POU3F3: variants seen among roughly 807,000 people sequenced by gnomAD.
POU3F3 encodes the protein POU class 3 homeobox 3, also known as POU domain, class 3, transcription factor 3.
A neutral mutation model predicts 8.6 loss-of-function variants in POU3F3; 1 was observed. That is an observed-to-expected ratio of 0.12 (90% CI 0.04 to 0.55). POU3F3 has a LOEUF of 0.55. POU3F3 is among the 20% of genes least tolerant of loss of function. The probability of loss-of-function intolerance (pLI) is 0.91; values close to 1 mark genes in which losing one functional copy is unlikely to be tolerated. For synonymous variants in POU3F3, 418 were observed against 327.4 expected, an observed-to-expected ratio of 1.28 and a Z score of -2.99; for missense variants, 577 against 690.7, an observed-to-expected ratio of 0.84 and a Z score of 1.84.
chr2:104,855,808 G>T lies in POU3F3; in HGVS notation c.298G>T (p.Ala100Ser). Reference sequence around the variant, plus strand: ...GAGCCACGCGCACCAGTGGGTCACAGCCCTGCCCCACGCCGCCGCCGCCGC... The same window carrying T: ...GAGCCACGCGCACCAGTGGGTCACATCCCTGCCCCACGCCGCCGCCGCCGC... The part of the protein sequence containing the change: ...MLSHAHQWVT[A>S]LPHAAAAAAA... Residue 100 changes from alanine (A) to serine (S), a missense_variant, in exon 1 of 1, where the codon GCC (alanine) becomes TCC (serine). Ala to Ser is a moderately conservative substitution (Grantham distance 99). This residue lies in a region of POU3F3 where 484 missense variants were observed against 422.6 expected (regional missense o/e 1.15). Transcript: ENST00000361360. 1 of 1,190,820 alleles carries T rather than the reference G, an allele frequency of 8.4e-7. No individual in the cohort carries two copies. The highest frequency in any genetic ancestry group is 1.0e-6 in the Non-Finnish European group (1 of 952,956). The allele number at this position is 1,190,820 out of a possible 1,614,324, so 73.8% of individuals were successfully genotyped here. A position where few individuals can be genotyped will look rare whatever the true frequency, so the allele number is the denominator to read the frequency against.
chr2:104,879,509 G>T, the POU3F3 span, among the ~76,000 whole-genome samples: 1 of 151,910 alleles, frequency 6.6e-6, no homozygotes, highest in Non-Finnish European at 1.5e-5. Context: ...AAAATTACCT[G>T]TCTCAGCTAG....
the POU3F3 span, among the ~76,000 whole-genome samples, chr2:104,864,484 A>G: frequency 6.6e-6 from 1 of 152,168 alleles, no homozygotes; most frequent in Admixed American, 6.5e-5. Flanking sequence ...TGGAACTGAA[A>G]CCATAAGTGG....
At position 104,855,293 on chromosome 2, in the gene POU3F3, CGCGGCGGCG is replaced by C. The variant is rs972877629; in HGVS notation, c.-204_-196del. On this transcript the variant is annotated 5_prime_UTR_variant, in exon 1 of 1. Transcript: ENST00000361360. ...CGGCCTTGCAGCTGCAGCCGGGGGC[CGCGGCGGCG>C]GCGGCGGCGGCGGGGGCGGAGGCGG... Among the ~76,000 whole-genome samples the C allele has an allele frequency of 1.4e-5, 2 of 146,570 alleles. No homozygotes were observed. The highest frequency in any genetic ancestry group is 2.0e-4 in the East Asian group (1 of 5,046).
At chr2:104,923,367 G>A in the POU3F3 span, among the ~76,000 whole-genome samples, 2 of 152,132 alleles carry the variant, frequency 1.3e-5, no homozygotes, top group Non-Finnish European at 2.9e-5. Flanking sequence ...AAACATGTAA[G>A]TTTGTAACAC....
At chr2:104,869,166 A>G in the POU3F3 span, among the ~76,000 whole-genome samples, 4 of 152,354 alleles carry the variant, frequency 2.6e-5, no homozygotes, top group African/African-American at 9.6e-5. Flanking sequence ...TGCTAGCGAG[A>G]GACCTTGATG....
the POU3F3 span, among the ~76,000 whole-genome samples, chr2:104,873,462 C>G: frequency 1.3e-5 from 2 of 152,132 alleles, no homozygotes; most frequent in African/African-American, 2.4e-5. Context: ...CGGCCCGACC[C>G]GACCCGCGAC....
chr2:104,897,211 C>A, the POU3F3 span, among the ~76,000 whole-genome samples: 3 of 152,134 alleles, frequency 2.0e-5, no homozygotes, highest in Non-Finnish European at 4.4e-5. Flanking sequence ...GAGAAGCCAG[C>A]AGCATAAAGT....
At position 104,856,920 on chromosome 2, in the gene POU3F3, A is replaced by G. The variant is rs915893139; in HGVS notation, c.1410A>G (p.Gln470=). The change falls in exon 1 of 1, where the codon CAA becomes CAG. Residue 470 remains glutamine (Q), a synonymous_variant. Transcript: ENST00000361360. Reference sequence around the variant, plus strand: ...AGCGCATGACGCCGCCCGGGATCCAACAGCAGACGCCCGACGACGTCTACT... The same window carrying G: ...AGCGCATGACGCCGCCCGGGATCCAGCAGCAGACGCCCGACGACGTCTACT... ...KEKRMTPPGI[Q]QQTPDDVYSQ... 1 of 1,613,676 alleles carries G rather than the reference A, an allele frequency of 6.2e-7. No homozygotes were observed. Among genetic ancestry groups the G allele is most frequent in the Non-Finnish European group, 8.5e-7 (1 of 1,179,928 alleles).
chr2:104,859,208 CA>C (rs917795564), downstream of POU3F3, among the ~76,000 whole-genome samples: 13 of 152,122 alleles, frequency 8.5e-5, no homozygotes, highest in African/African-American at 3.1e-4. Context: ...ACCATCTGTG[CA>C]ATTACCAACT....
At chr2:104,919,809 C>T in the POU3F3 span, among the ~76,000 whole-genome samples, 6 of 151,924 alleles carry the variant, frequency 3.9e-5, no homozygotes, top group Admixed American at 2.6e-4. Flanking sequence ...CTCTCCCCTC[C>T]TCCTCTCCTC....
the POU3F3 span, among the ~76,000 whole-genome samples, chr2:104,886,481 T>C: frequency 3.7e-3 from 569 of 152,254 alleles, 6 homozygotes; most frequent in African/African-American, 0.013. Flanking sequence ...CATTCTGTGA[T>C]GTTTGCACAA....
At chr2:104,884,749 C>T in the POU3F3 span, among the ~76,000 whole-genome samples, 3 of 152,176 alleles carry the variant, frequency 2.0e-5, no homozygotes, top group African/African-American at 7.2e-5. Flanking sequence ...GGCAGAAGCA[C>T]CAAGCCCCAT....
chr2:104,882,671 G>T, the POU3F3 span, among the ~76,000 whole-genome samples: 1 of 152,154 alleles, frequency 6.6e-6, no homozygotes, highest in Non-Finnish European at 1.5e-5. Flanking sequence ...TGACTTTTAA[G>T]ATCTCAAACA....
chr2:104,914,678 G>A, the POU3F3 span, among the ~76,000 whole-genome samples: 1 of 152,152 alleles, frequency 6.6e-6, no homozygotes, highest in African/African-American at 2.4e-5. Context: ...AGAACCAGAC[G>A]GCTTAGGGAC....
At chr2:104,924,575 T>C in the POU3F3 span, among the ~76,000 whole-genome samples, 1 of 152,222 alleles carries the variant, frequency 6.6e-6, no homozygotes, top group Non-Finnish European at 1.5e-5. Context: ...TTTGGACTCA[T>C]ATTAACAGGA....
chr2:104,873,451 C>G, the POU3F3 span, among the ~76,000 whole-genome samples: 1 of 152,026 alleles, frequency 6.6e-6, no homozygotes, highest in South Asian at 2.1e-4. Flanking sequence ...CAGCCCTGGG[C>G]CGGCCCGACC....
chr2:104,917,159 T>C, the POU3F3 span, among the ~76,000 whole-genome samples: 1 of 152,220 alleles, frequency 6.6e-6, no homozygotes, highest in South Asian at 2.1e-4. Flanking sequence ...CACCACTAGC[T>C]TTCCTAGGCC....
At chr2:104,893,708 C>T in the POU3F3 span, among the ~76,000 whole-genome samples, 1 of 152,022 alleles carries the variant, frequency 6.6e-6, no homozygotes, top group South Asian at 2.1e-4. Flanking sequence ...ATGGCGAAAC[C>T]CCATGTCTAC....
downstream of POU3F3, among the ~76,000 whole-genome samples, chr2:104,862,159 G>A (rs1048287843): frequency 1.3e-4 from 20 of 152,324 alleles, 1 homozygote; most frequent in Admixed American, 8.5e-4. Context: ...CGAGCTTGGC[G>A]AGCAGGAGCC....
Sources: allele counts gnomAD v4.1 joint callset (sites outside exome capture counted in the v4.1 genomes callset), GRCh38; gene constraint gnomAD v4.1.1; regional missense constraint gnomAD v4.1.1; transcripts MANE v1.5; gene names NCBI Gene and HGNC (gene_info 2026-07-23, HGNC 2026-07-21).